Variants in ACBD6 observed in about 807,000 individuals in gnomAD.
ACBD6 encodes the protein acyl-CoA-binding domain-containing protein 6.
Under a neutral mutation model 37.2 loss-of-function variants are expected in ACBD6, and 28 were observed. That is an observed-to-expected ratio of 0.75 (90% confidence interval 0.56 to 1.03). ACBD6 has a LOEUF of 1.03. Ranked by LOEUF, ACBD6 falls within the 50% of genes least tolerant of loss-of-function variation. ACBD6 has a pLI of 0.00. For synonymous variants in ACBD6, 113 were observed against 126.8 expected, an observed-to-expected ratio of 0.89 and a Z score of 0.73; for missense variants, 340 against 337.4, an observed-to-expected ratio of 1.01 and a Z score of -0.06.
At chr1:180,290,287 C>G (rs1384967267) in intron 7 of ACBD6, among the ~76,000 whole-genome samples, 1 of 152,130 alleles carries the variant, frequency 6.6e-6, no homozygotes, top group East Asian at 1.9e-4. Context: ...CTTCTGGGCT[C>G]AAGCAAATCC....
chr1:180,331,999 T>C (rs1651504492), intron 6 of ACBD6, among the ~76,000 whole-genome samples: 2 of 152,150 alleles, frequency 1.3e-5, no homozygotes, highest in Admixed American at 1.3e-4. Flanking sequence ...TTTAATTGTG[T>C]CTCCCAAAAA....
chr1:180,371,252 C>G (rs543350432), intron 6 of ACBD6, among the ~76,000 whole-genome samples: 1 of 152,006 alleles, frequency 6.6e-6, no homozygotes, highest in Admixed American at 6.6e-5. Context: ...AGTGCTCAGC[C>G]AATAGGATTA....
chr1:180,433,453 T>C lies in ACBD6; in HGVS notation c.385-3191A>G, dbSNP rs567734822. Among the ~76,000 whole-genome samples, 12 of 152,292 alleles carry C rather than the reference T, an allele frequency of 7.9e-5. No homozygotes were observed. In the East Asian group the frequency reaches 2.1e-3, roughly 27 times the overall value. On this transcript the variant is annotated intron_variant, in intron 3 of 7. Transcript: ENST00000367595. Reference sequence around the variant, plus strand: ...AACAACATACTCAGTGGTGGAAAACTGAAAGCTTTCTTTCTAAGATCAGGA... The same window carrying C: ...AACAACATACTCAGTGGTGGAAAACCGAAAGCTTTCTTTCTAAGATCAGGA...
rs754982783 is a variant in ACBD6 at position 180,288,490 on chromosome 1, A to G, written c.722T>C (p.Val241Ala). The G allele has an allele frequency of 6.2e-7, 1 of 1,613,714 alleles. No individual in the cohort carries two copies. Among genetic ancestry groups the G allele is most frequent in the South Asian group, 1.1e-5 (1 of 91,028 alleles). ...AGCACCAGACTGGAGCAGCAGCTCT[A>G]CAATATCCAGAAACTCACAGGCAGA... ...YASACEFLDI[V>A]ELLLQSGADP... The change falls in exon 8 of 8, where the codon GTA (valine) becomes GCA (alanine). Residue 241 changes from valine to alanine, a missense_variant. Physicochemically the swap from Val to Ala is moderately conservative, Grantham distance 64. Transcript: ENST00000367595.
intron 3 of ACBD6, among the ~76,000 whole-genome samples, chr1:180,438,952 C>T (rs578174979): frequency 2.0e-5 from 3 of 152,100 alleles, no homozygotes; most frequent in Non-Finnish European, 4.4e-5. Context: ...TCTGAACCCA[C>T]GGCAACTAGT....
In ACBD6 at chr1:180,502,167, G is replaced by T; in HGVS notation, c.100C>A (p.Pro34Thr). 6.2e-7 allele frequency: 1 copy of T among 1,614,076 alleles called. No homozygotes were observed. Among genetic ancestry groups the T allele is most frequent in the Non-Finnish European group, 8.5e-7 (1 of 1,180,018 alleles). The part of the protein sequence containing the change: ...DSGEVEFPHS[P>T]EIEETSCLAE... Reference sequence around the variant, plus strand: ...AGGCAACTGGTCTCCTCGATCTCAGGGCTATGGGGGAACTCCACCTCCCCG... The same window carrying T: ...AGGCAACTGGTCTCCTCGATCTCAGTGCTATGGGGGAACTCCACCTCCCCG... Residue 34 changes from proline (P) to threonine (T), a missense_variant, in exon 1 of 8, where the codon CCT (proline) becomes ACT (threonine). Coordinates refer to ENST00000367595, the MANE Select transcript of ACBD6 (RefSeq NM_032360.4).
chr1:180,461,852 C>T (rs373404478), intron 3 of ACBD6, among the ~76,000 whole-genome samples: 10 of 152,246 alleles, frequency 6.6e-5, no homozygotes, highest in South Asian at 6.2e-4. Context: ...AGTGACACTA[C>T]GAAGCAACCA....
chr1:180,355,008 T>C lies in ACBD6; in HGVS notation c.664-40286A>G, dbSNP rs74132469. On this transcript the variant is annotated intron_variant, in intron 6 of 7. Coordinates refer to ENST00000367595, the MANE Select transcript of ACBD6 (RefSeq NM_032360.4). ...TAATAATACCTTATTTTGTATACCT[T>C]TCTGCATGCTGTATACTGTCAATGT... Among the ~76,000 whole-genome samples the C allele has an allele frequency of 6.7e-3, 1,013 of 152,306 alleles. 17 individuals are homozygous for C. The highest frequency in any genetic ancestry group is 0.023 in the African/African-American group (968 of 41,576).
chr1:180,469,884 CTACAGTT>C (rs908718294), intron 3 of ACBD6, among the ~76,000 whole-genome samples: 6 of 152,150 alleles, frequency 3.9e-5, no homozygotes, highest in African/African-American at 1.2e-4. Flanking sequence ...GCATTGCACT[CTACAGTT>C]TACAAATTTG....
intron 6 of ACBD6, among the ~76,000 whole-genome samples, chr1:180,339,925 T>A (rs1651913035): frequency 6.6e-6 from 1 of 151,210 alleles, no homozygotes; most frequent in African/African-American, 2.4e-5. Flanking sequence ...GAAGGCAGAG[T>A]AGACCTTACT....
chr1:180,356,961 T>C (rs1652655172), intron 6 of ACBD6, among the ~76,000 whole-genome samples: 1 of 152,076 alleles, frequency 6.6e-6, no homozygotes, highest in South Asian at 2.1e-4. Context: ...TAAAAGACAC[T>C]TTTGAAAACT....
intron 4 of ACBD6, among the ~76,000 whole-genome samples, chr1:180,428,529 A>C (rs1436736399): frequency 6.6e-6 from 1 of 152,252 alleles, no homozygotes; most frequent in Non-Finnish European, 1.5e-5. Flanking sequence ...AAGGAAGATT[A>C]ACCCTTTCAA....
At chr1:180,366,332 C>T (rs1016661269) in intron 6 of ACBD6, among the ~76,000 whole-genome samples, 3 of 152,142 alleles carry the variant, frequency 2.0e-5, no homozygotes, top group African/African-American at 7.2e-5. Flanking sequence ...TTGTAGGTAG[C>T]TTAGACATTT....
chr1:180,288,103 A>G (rs548735439), downstream of ACBD6: 2 of 446,556 alleles, frequency 4.5e-6, no homozygotes, highest in South Asian at 4.6e-5. Flanking sequence ...CCACCCTCTA[A>G]AGCAGTGATA....
At chr1:180,437,752 A>G (rs1649103751) in intron 3 of ACBD6, among the ~76,000 whole-genome samples, 1 of 150,250 alleles carries the variant, frequency 6.7e-6, no homozygotes, top group Non-Finnish European at 1.5e-5. Context: ...TATTATGAAG[A>G]AAAAAAACAG....
chr1:180,283,359 G>C (rs913156495), downstream of ACBD6, among the ~76,000 whole-genome samples: 1 of 152,100 alleles, frequency 6.6e-6, no homozygotes, highest in Non-Finnish European at 1.5e-5. Context: ...AGTAGCATTA[G>C]GTTCAAATGG....
At chr1:180,397,839 G>A (rs796124417) in intron 5 of ACBD6, among the ~76,000 whole-genome samples, 4 of 152,214 alleles carry the variant, frequency 2.6e-5, no homozygotes, top group African/African-American at 9.6e-5. Flanking sequence ...GATCACTTGA[G>A]GTCAAGAGTT....
chr1:180,477,978 T>TAAAAAAAAAA (rs58326495), intron 3 of ACBD6, among the ~76,000 whole-genome samples: 35 of 145,114 alleles, frequency 2.4e-4, no homozygotes, highest in African/African-American at 6.9e-4. Context: ...TCCATCTCTT[T>TAAAAAAAAAA]AAAAAAAAAA....
At chr1:180,492,018 C>G (rs1218285431) in intron 3 of ACBD6, among the ~76,000 whole-genome samples, 1 of 152,130 alleles carries the variant, frequency 6.6e-6, no homozygotes, top group Admixed American at 6.5e-5. Context: ...CCATGCTGGC[C>G]AGGCCGGTCT....
Sources: gnomAD v4.1 joint callset for allele counts (sites outside exome capture counted in the v4.1 genomes callset) on GRCh38, gnomAD v4.1.1 for gene constraint, MANE v1.5 for transcripts, NCBI Gene and HGNC (gene_info 2026-07-23, HGNC 2026-07-21) for gene names.